Variants in PMFBP1 observed in about 807,000 individuals in gnomAD.
The protein encoded by PMFBP1 is polyamine-modulated factor 1-binding protein 1.
Under a neutral mutation model 137.8 loss-of-function variants are expected in PMFBP1, and 131 were observed. The observed-to-expected ratio is 0.95, with a 90% confidence interval of 0.82 to 1.10. The LOEUF (loss-of-function observed/expected upper bound fraction) is 1.10. Among genes scored for constraint, PMFBP1 ranks in the 50% least tolerant of loss-of-function variants. The pLI is 0.00. For missense variants in PMFBP1, 1,199 were observed against 1,175.4 expected, an observed-to-expected ratio of 1.02 and a Z score of -0.29; for synonymous variants, 490 against 450.4, an observed-to-expected ratio of 1.09 and a Z score of -1.11.
chr16:72,135,740 GTTTTTTTTTTTTTT>G (rs869189990), intron 9 of PMFBP1, among the ~76,000 whole-genome samples: 2 of 66,816 alleles, frequency 3.0e-5, no homozygotes, highest in East Asian at 1.0e-3. Flanking sequence ...TAATTTTTCT[GTTTTTTTTTTTTTT>G]TTTTTTTTTT....
chr16:72,194,307 C>T, the PMFBP1 span, among the ~76,000 whole-genome samples: 1 of 152,156 alleles, frequency 6.6e-6, no homozygotes. Flanking sequence ...CTGCTCTTAT[C>T]TTTCCTCCAT....
At chr16:72,213,202 G>GC in the PMFBP1 span, among the ~76,000 whole-genome samples, 1,103 of 149,782 alleles carry the variant, frequency 7.4e-3, 36 homozygotes, top group African/African-American at 8.0e-3. Flanking sequence ...GAGCCCGGGG[G>GC]GGGGTGGGGA....
chr16:72,204,720 C>T, the PMFBP1 span, among the ~76,000 whole-genome samples: 1 of 151,998 alleles, frequency 6.6e-6, no homozygotes, highest in Non-Finnish European at 1.5e-5. Flanking sequence ...TATTTTCCTC[C>T]ACGTGGATTT....
chr16:72,175,319 G>C (rs1443765554), upstream of PMFBP1, among the ~76,000 whole-genome samples: 1 of 152,140 alleles, frequency 6.6e-6, no homozygotes, highest in Non-Finnish European at 1.5e-5. Context: ...TTTGGAGAGA[G>C]GAAGGAAAAG....
At chr16:72,238,489 A>G in the PMFBP1 span, among the ~76,000 whole-genome samples, 1 of 152,144 alleles carries the variant, frequency 6.6e-6, no homozygotes, top group African/African-American at 2.4e-5. Context: ...TCCTTTGCCC[A>G]CTTTTTAATG....
intron 5 of PMFBP1, among the ~76,000 whole-genome samples, chr16:72,149,789 T>A (rs2042873464): frequency 6.6e-6 from 1 of 151,330 alleles, no homozygotes; most frequent in Non-Finnish European, 1.5e-5. Flanking sequence ...CACCACTATC[T>A]CAAAAAAAAA....
upstream of PMFBP1, among the ~76,000 whole-genome samples, chr16:72,181,041 C>A (rs1054990920): frequency 6.6e-6 from 1 of 152,036 alleles, no homozygotes; most frequent in African/African-American, 2.4e-5. Context: ...GAGATCGAGA[C>A]CATCCTGGCC....
chr16:72,163,931 G>A (rs543531901), intron 3 of PMFBP1, among the ~76,000 whole-genome samples: 1 of 151,920 alleles, frequency 6.6e-6, no homozygotes, highest in Non-Finnish European at 1.5e-5. Context: ...GAAAGGGTGG[G>A]GGGGGTGAGG....
chr16:72,167,486 C>T (rs548632146), intron 2 of PMFBP1, among the ~76,000 whole-genome samples: 51 of 152,300 alleles, frequency 3.3e-4, no homozygotes, highest in African/African-American at 1.0e-3. Flanking sequence ...TGGGGACTCT[C>T]TTAAGACAAT....
At chr16:72,184,047 T>C in the PMFBP1 span, among the ~76,000 whole-genome samples, 1 of 152,188 alleles carries the variant, frequency 6.6e-6, no homozygotes, top group Non-Finnish European at 1.5e-5. Flanking sequence ...CTTCTAGAAA[T>C]GCTTTCTGTC....
In PMFBP1 at chr16:72,125,377, C is replaced by G. The variant is rs2042439856; in HGVS notation, c.2282G>C (p.Ser761Thr). 6.2e-7 allele frequency: 1 copy of G among 1,611,970 alleles called. No individual in the cohort carries two copies. Among genetic ancestry groups the G allele is most frequent in the Admixed American group, 1.7e-5 (1 of 59,348 alleles). The change falls in exon 16 of 21, where the codon AGC becomes ACC. Residue 761 changes from serine (S) to threonine (T), a missense_variant. By Grantham distance (58) the Ser-to-Thr change is moderately conservative. Coordinates refer to ENST00000237353, the MANE Select transcript of PMFBP1 (RefSeq NM_031293.3). ...GGTCTGTGTCAAGCTTTGCTGCAGG[C>G]TCTTTGTCTCTGAGGTCACGTGATT... The part of the protein sequence containing the change: ...KLNHVTSETK[S>T]LQQSLTQTQE...
chr16:72,157,460 G>A (rs1456460059), intron 3 of PMFBP1, among the ~76,000 whole-genome samples: 36 of 152,136 alleles, frequency 2.4e-4, no homozygotes, highest in African/African-American at 2.4e-5. Context: ...GAATGCTCCA[G>A]GGAGTGATGG....
chr16:72,119,271 G>A lies in PMFBP1; in HGVS notation c.*67C>T, dbSNP rs1312915605. ...GCTGATCCAGGTCAAGAGAGAGGGA[G>A]GGCTGGGAACTCACTGTCCTCTGAA... is the stretch of plus-strand genomic sequence containing the variant. On this transcript the variant is annotated 3_prime_UTR_variant, in exon 21 of 21. Transcript: ENST00000237353. 2 of 1,531,764 alleles carry A rather than the reference G, an allele frequency of 1.3e-6. No individual in the cohort carries two copies. The highest frequency in any genetic ancestry group is 1.1e-5 in the South Asian group (1 of 89,296). The allele number at this position is 1,531,764 out of a possible 1,614,324, so 94.9% of individuals were successfully genotyped here.
Position 72,130,275 on chromosome 16 carries a change from G to A in PMFBP1, c.1720C>T (p.Gln574Ter). The A allele has an allele frequency of 1.2e-6, 2 of 1,614,152 alleles. No individual in the cohort carries two copies. The highest frequency in any genetic ancestry group is 8.5e-7 in the Non-Finnish European group (1 of 1,180,042). Residue 574 changes from glutamine (Q) to a stop codon, truncating the protein, a stop_gained, in exon 12 of 21, where the codon CAG becomes TAG. Transcript: ENST00000237353. LOFTEE classifies it high-confidence loss of function. Reference sequence around the variant, plus strand: ...ATATCCTGCTCAGCCACTGTCTTCTGAAGCTGCCTCTTTTCCTTGTCTGAA... The same window carrying A: ...ATATCCTGCTCAGCCACTGTCTTCTAAAGCTGCCTCTTTTCCTTGTCTGAA... Reference protein sequence around the residue: ...ENSDKEKRQLQKTVAEQDMKM... With the variant: ...ENSDKEKRQL
intron 12 of PMFBP1, 117 bp from the exon 13 acceptor site, chr16:72,129,350 T>C: frequency 8.6e-7 from 1 of 1,157,958 alleles, no homozygotes; most frequent in Non-Finnish European, 1.2e-6. Context: ...AATTCCTTAG[T>C]TATATAGCAT....
intron 14 of PMFBP1, among the ~76,000 whole-genome samples, chr16:72,126,570 T>C (rs1227621622): frequency 6.6e-6 from 1 of 152,220 alleles, no homozygotes; most frequent in Non-Finnish European, 1.5e-5. Flanking sequence ...ACTGTGCCTG[T>C]GTTTTGTTTC....
intron 5 of PMFBP1, 102 bp from the exon 6 acceptor site, chr16:72,140,684 T>C: frequency 9.7e-7 from 1 of 1,033,482 alleles, no homozygotes; most frequent in Non-Finnish European, 1.4e-6. Flanking sequence ...TCTAAAGGTA[T>C]ATGTTCATAT....
intron 15 of PMFBP1, 28 bp from the exon 16 acceptor site, chr16:72,125,433 G>A (rs1316900908): frequency 6.2e-7 from 1 of 1,602,620 alleles, no homozygotes. Context: ...GAGGACGAAT[G>A]GCTGTCAGAG....
At chr16:72,231,059 A>G in the PMFBP1 span, among the ~76,000 whole-genome samples, 5 of 152,284 alleles carry the variant, frequency 3.3e-5, no homozygotes, top group East Asian at 1.9e-4. Flanking sequence ...AATGAATGAT[A>G]TATCAGTTCA....
Sources: gnomAD v4.1 joint callset for allele counts (sites outside exome capture counted in the v4.1 genomes callset) on GRCh38, gnomAD v4.1.1 for gene constraint, MANE v1.5 for transcripts, NCBI Gene and HGNC (gene_info 2026-07-23, HGNC 2026-07-21) for gene names.